The following USH2A variants were observed in gnomAD, a reference collection of about 807,000 sequenced individuals.
USH2A encodes the protein usherin.
In USH2A, 443 loss-of-function variants were observed where a neutral mutation model predicts 538.9. The ratio of observed to expected loss-of-function variants is 0.82; its 90% CI spans 0.76 to 0.89. The LOEUF (loss-of-function observed/expected upper bound fraction) is 0.89. USH2A is among the 40% of genes least tolerant of loss of function. The probability of loss-of-function intolerance (pLI) is 0.00; values close to 1 mark genes in which losing one functional copy is unlikely to be tolerated. For missense variants in USH2A, 6,633 were observed against 6,324.8 expected (o/e 1.05, Z -1.65); for synonymous variants, 2,413 against 2,273.5 (o/e 1.06, Z -1.75).
chr1:215,628,150 A>AT lies in USH2A; in HGVS notation c.15519+663dup, dbSNP rs113006623. On this transcript the variant is annotated intron_variant, in intron 71 of 71. Coordinates refer to ENST00000307340, the MANE Select transcript of USH2A (RefSeq NM_206933.4). ...TCTTTTTGCGTCTACCCATACACCAATAGGAAAAGGCAAAACAAAAAAAGT... is the reference window on the plus strand; with the variant it reads ...TCTTTTTGCGTCTACCCATACACCAATTAGGAAAAGGCAAAACAAAAAAAGT... 1.8e-3 allele frequency among the ~76,000 whole-genome samples: 268 copies of AT among 152,260 alleles called. 2 individuals are homozygous for AT. The highest frequency in any genetic ancestry group is 6.3e-3 in the African/African-American group (261 of 41,560).
intron 30 of USH2A, among the ~76,000 whole-genome samples, chr1:216,061,420 T>C (rs2031177702): frequency 6.6e-6 from 1 of 152,328 alleles, no homozygotes; most frequent in South Asian, 2.1e-4. Context: ...TTTATATACA[T>C]TTAGTTTTTT....
chr1:215,655,725 C>CTTTTT (rs766225635), intron 64 of USH2A, among the ~76,000 whole-genome samples: 84 of 96,192 alleles, frequency 8.7e-4, no homozygotes, highest in South Asian at 1.4e-3. Context: ...GCTAGTTATT[C>CTTTTT]TTTTTTTTTT....
At chr1:215,842,779 C>A (rs748701439) in intron 46 of USH2A, among the ~76,000 whole-genome samples, 3 of 151,602 alleles carry the variant, frequency 2.0e-5, no homozygotes, top group African/African-American at 2.4e-5. Context: ...ATGGACACAG[C>A]GAGGGGAACA....
intron 55 of USH2A, among the ~76,000 whole-genome samples, chr1:215,771,155 A>G (rs921452925): frequency 9.2e-5 from 14 of 151,444 alleles, no homozygotes; most frequent in Admixed American, 8.6e-4. Flanking sequence ...AGAAAAGGAA[A>G]GGGTGAGGCC....
chr1:215,777,273 G>T (rs907441675), intron 55 of USH2A, among the ~76,000 whole-genome samples: 5 of 152,156 alleles, frequency 3.3e-5, no homozygotes, highest in African/African-American at 7.2e-5. Context: ...AACTGGTAGG[G>T]TGAAGTTATT....
At chr1:216,366,404 G>T (rs1420596808) in intron 3 of USH2A, among the ~76,000 whole-genome samples, 1 of 151,848 alleles carries the variant, frequency 6.6e-6, no homozygotes, top group Admixed American at 6.6e-5. Flanking sequence ...GGTACATGGG[G>T]GTACAGCATG....
chr1:215,674,052 A>G (rs545114457), intron 63 of USH2A, 48 bp downstream of exon 63: 2 of 1,613,344 alleles, frequency 1.2e-6, no homozygotes, highest in African/African-American at 1.3e-5. Context: ...AGGCAATAGA[A>G]AGGTCAGCAG....
chr1:215,774,884 G>A (rs1007386034), intron 55 of USH2A, among the ~76,000 whole-genome samples: 2 of 150,808 alleles, frequency 1.3e-5, no homozygotes, highest in African/African-American at 2.4e-5. Context: ...CAAAAAAGTG[G>A]TTGATGCCAC....
chr1:216,409,541 C>T (rs1303836033), intron 3 of USH2A, among the ~76,000 whole-genome samples: 2 of 151,798 alleles, frequency 1.3e-5, no homozygotes, highest in Non-Finnish European at 2.9e-5. Flanking sequence ...ACACATAGAC[C>T]GAAGAAAAAG....
intron 64 of USH2A, among the ~76,000 whole-genome samples, chr1:215,653,000 T>C (rs1399662973): frequency 6.6e-6 from 1 of 152,154 alleles, no homozygotes; most frequent in South Asian, 2.1e-4. Flanking sequence ...AGTGCAGGCA[T>C]AGGGTGTTGA....
intron 14 of USH2A, among the ~76,000 whole-genome samples, chr1:216,222,157 T>C (rs1333671011): frequency 6.6e-6 from 1 of 152,128 alleles, no homozygotes; most frequent in African/African-American, 2.4e-5. Flanking sequence ...TTATGCTTAG[T>C]GAGACTAATT....
In USH2A at chr1:215,951,856, T is replaced by TTTA. The variant is rs778548789; in HGVS notation, c.7120+13460_7120+13461insTAA. 8.1e-3 allele frequency among the ~76,000 whole-genome samples: 1,229 copies of TTTA among 151,612 alleles called. 9 individuals carry two copies. Among genetic ancestry groups the TTTA allele is most frequent in the South Asian group, 0.021 (98 of 4,770 alleles). ...TCTTTGTTGGTTTATTTTTTTTATT[T>TTTA]TTTATTTTTTTTATTTTTTGAGACG... On this transcript the variant is annotated intron_variant, in intron 37 of 71. Transcript: ENST00000307340.
chr1:215,629,772 T>TG (rs1656198034), intron 70 of USH2A, among the ~76,000 whole-genome samples: 1 of 146,010 alleles, frequency 6.8e-6, no homozygotes. Flanking sequence ...TCTTTTCTTT[T>TG]CTTTTTTTTT....
At chr1:216,277,884 T>C (rs1020977643) in intron 11 of USH2A, among the ~76,000 whole-genome samples, 4 of 152,092 alleles carry the variant, frequency 2.6e-5, no homozygotes, top group African/African-American at 9.7e-5. Context: ...TGTCCCTGAA[T>C]TGTCACAAAG....
At position 215,721,326 on chromosome 1, in the gene USH2A, C is replaced by A. The variant is rs190798399; in HGVS notation, c.12066+6704G>T. Among the ~76,000 whole-genome samples the A allele has an allele frequency of 4.6e-4, 70 of 152,294 alleles. No homozygotes were observed. The East Asian group carries it at 0.013, about 27-fold the overall frequency. Reference sequence around the variant, plus strand: ...CTGACCTCAGGTAATCCACCCACCTCGGCCTCCCAAAGTGCTGAGATTACA... The same window carrying A: ...CTGACCTCAGGTAATCCACCCACCTAGGCCTCCCAAAGTGCTGAGATTACA... On this transcript the variant is annotated intron_variant, in intron 61 of 71. Coordinates refer to ENST00000307340, the MANE Select transcript of USH2A (RefSeq NM_206933.4).
intron 44 of USH2A, among the ~76,000 whole-genome samples, chr1:215,852,291 T>C (rs886083342): frequency 6.6e-6 from 1 of 152,162 alleles, no homozygotes; most frequent in African/African-American, 2.4e-5. Context: ...GAAACTCCCC[T>C]TTATAAAACC....
intron 35 of USH2A, 85 bp from the exon 36 acceptor site, chr1:215,970,861 T>G (rs763246988): frequency 4.4e-6 from 6 of 1,357,824 alleles, no homozygotes; most frequent in Non-Finnish European, 6.3e-6. Flanking sequence ...TTGATGTGAT[T>G]TCTAGTTTCA....
chr1:215,777,133 A>G (rs925133876), intron 55 of USH2A, among the ~76,000 whole-genome samples: 1 of 152,210 alleles, frequency 6.6e-6, no homozygotes, highest in Non-Finnish European at 1.5e-5. Flanking sequence ...TTTACTGTTA[A>G]GTAAAAATTA....
Position 216,048,521 on chromosome 1 carries a change from G to C in USH2A, c.6163+13C>G. 6.2e-7 allele frequency: 1 copy of C among 1,610,328 alleles called. No homozygotes were observed. Among genetic ancestry groups the C allele is most frequent in the Non-Finnish European group, 8.5e-7 (1 of 1,176,566 alleles). The stretch of plus-strand genomic sequence containing the variant: ...CTGAAATGTGGAAGTCAAGACCTTT[G>C]AAATTACTTTACCTTCTTGTGGAGT... On this transcript the variant is annotated intron_variant, in intron 31 of 71. Transcript: ENST00000307340.
Sources: allele counts gnomAD v4.1 joint callset (sites outside exome capture counted in the v4.1 genomes callset), GRCh38; gene constraint gnomAD v4.1.1; transcripts MANE v1.5; gene names NCBI Gene and HGNC (gene_info 2026-07-23, HGNC 2026-07-21).